The following SIM1 variants were observed in gnomAD, a reference collection of about 807,000 sequenced individuals.
SIM1 encodes SIM bHLH transcription factor 1.
In SIM1, 18 loss-of-function variants were observed where a neutral mutation model predicts 78.2. The ratio of observed to expected loss-of-function variants is 0.23; its 90% CI spans 0.16 to 0.34. The LOEUF (loss-of-function observed/expected upper bound fraction) is 0.34, where lower values mean the gene tolerates loss of function less well. SIM1 is among the 10% of genes least tolerant of loss of function. SIM1 has a pLI of 1.00. For synonymous variants in SIM1, 417 were observed against 385.2 expected, an observed-to-expected ratio of 1.08 and a Z score of -0.97; for missense variants, 939 against 975.1, an observed-to-expected ratio of 0.96 and a Z score of 0.49.
chr6:100,416,970 A>G (rs1285578733), intron 10 of SIM1, among the ~76,000 whole-genome samples: 1 of 143,050 alleles, frequency 7.0e-6, no homozygotes, highest in African/African-American at 2.5e-5. Flanking sequence ...CAAAACCTTT[A>G]CTAGTTCTCA....
At chr6:100,421,023 A>C in intron 9 of SIM1, 65 bp from the exon 10 acceptor site, 3 of 1,498,238 alleles carry the variant, frequency 2.0e-6, no homozygotes, top group Non-Finnish European at 2.7e-6. Context: ...GCATACTCTC[A>C]TCAGGAATGA....
At chr6:100,447,473 A>G (rs1772386271) in intron 8 of SIM1, 58 bp from the exon 9 acceptor site, 2 of 1,598,402 alleles carry the variant, frequency 1.3e-6, no homozygotes, top group South Asian at 2.2e-5. Flanking sequence ...ACTGGCCCCA[A>G]ATGCAATCCC....
intron 10 of SIM1, among the ~76,000 whole-genome samples, chr6:100,411,583 T>C (rs1771192241): frequency 6.6e-6 from 1 of 152,188 alleles, no homozygotes; most frequent in South Asian, 2.1e-4. Context: ...ATTAACAAAG[T>C]GTCCGCACAA....
chr6:100,427,933 C>G (rs1017821653), intron 9 of SIM1, among the ~76,000 whole-genome samples: 3 of 152,160 alleles, frequency 2.0e-5, no homozygotes, highest in Non-Finnish European at 4.4e-5. Context: ...AACAGATGCT[C>G]ACTTGCAAGA....
In SIM1 at chr6:100,397,903, T is replaced by C. The variant is rs568450022; in HGVS notation, c.1168-4014A>G. 3.9e-5 allele frequency among the ~76,000 whole-genome samples: 6 copies of C among 152,146 alleles called. No individual in the cohort carries two copies. In the South Asian group the frequency reaches 6.2e-4, roughly 16 times the overall value. On this transcript the variant is annotated intron_variant, in intron 10 of 11. Transcript: ENST00000369208. ...AGGATATACAGATGGCAAATAATCATATGAAAAGATGTTCAACATCATTAG... is the reference window on the plus strand; with the variant it reads ...AGGATATACAGATGGCAAATAATCACATGAAAAGATGTTCAACATCATTAG...
chr6:100,457,852 A>C (rs1394641310), intron 2 of SIM1, among the ~76,000 whole-genome samples: 2 of 151,884 alleles, frequency 1.3e-5, no homozygotes, highest in Non-Finnish European at 2.9e-5. Context: ...AGCAGCCTGG[A>C]CCCCACAGTG....
Position 100,390,355 on chromosome 6 carries a change from A to G in SIM1, c.*6T>C. The G allele has an allele frequency of 5.0e-6, 8 of 1,607,156 alleles. No individual in the cohort carries two copies. Among genetic ancestry groups the G allele is most frequent in the Non-Finnish European group, 5.1e-6 (6 of 1,176,648 alleles). ...TCCTTAAAGAACAAAATATTTCAGC[A>G]AAACATCAGCTTCCGTTGGTTATTA... On this transcript the variant is annotated 3_prime_UTR_variant, in exon 12 of 12. Transcript: ENST00000369208.
At chr6:100,442,614 TAAG>T (rs1408158340) in intron 9 of SIM1, among the ~76,000 whole-genome samples, 4 of 152,164 alleles carry the variant, frequency 2.6e-5, no homozygotes, top group African/African-American at 9.6e-5. Flanking sequence ...TGAAGCTTGC[TAAG>T]TGAAAAGGTG....
intron 3 of SIM1, among the ~76,000 whole-genome samples, chr6:100,453,049 G>A (rs937846379): frequency 2.0e-5 from 3 of 151,888 alleles, no homozygotes; most frequent in African/African-American, 7.3e-5. Context: ...TGGGACAAGC[G>A]CAAAATCTAA....
chr6:100,457,348 G>A (rs1772692355), intron 2 of SIM1, among the ~76,000 whole-genome samples: 1 of 152,202 alleles, frequency 6.6e-6, no homozygotes, highest in Non-Finnish European at 1.5e-5. Context: ...GGTGGCGGAG[G>A]CCCTGTTCCA....
intron 10 of SIM1, among the ~76,000 whole-genome samples, chr6:100,410,610 T>C (rs892376292): frequency 3.3e-5 from 5 of 151,954 alleles, no homozygotes. Context: ...TAAAGTGGAG[T>C]GCTGACATGG....
At chr6:100,436,212 G>A (rs1253530014) in intron 9 of SIM1, among the ~76,000 whole-genome samples, 1 of 152,164 alleles carries the variant, frequency 6.6e-6, no homozygotes, top group Non-Finnish European at 1.5e-5. Flanking sequence ...TCAGTTACCA[G>A]CAAGCCCACA....
In SIM1 at chr6:100,389,479, A is replaced by C. The variant is rs1221988971; in HGVS notation, c.*882T>G. 1 of 396,874 alleles carries C rather than the reference A, an allele frequency of 2.5e-6. No homozygotes were observed. Among genetic ancestry groups the C allele is most frequent in the East Asian group, 3.6e-5 (1 of 28,058 alleles). 24.6% of individuals were successfully genotyped at this position (396,874 alleles called of 1,614,324 possible). A position where few individuals can be genotyped will look rare whatever the true frequency, so the allele number is the denominator to read the frequency against. On this transcript the variant is annotated 3_prime_UTR_variant, in exon 12 of 12. Coordinates refer to ENST00000369208, the MANE Select transcript of SIM1 (RefSeq NM_005068.3). ...TTTTTATTTAGTTGGTTTTACAAGC[A>C]AACCCCAAATATGTTGTTTACTTAT...
chr6:100,424,817 A>G (rs1174176351), intron 9 of SIM1, among the ~76,000 whole-genome samples: 1 of 152,218 alleles, frequency 6.6e-6, no homozygotes, highest in African/African-American at 2.4e-5. Context: ...TAAATGCTCA[A>G]TAAATAGTAT....
At chr6:100,399,989 T>TA (rs35321011) in intron 10 of SIM1, among the ~76,000 whole-genome samples, 34 of 151,916 alleles carry the variant, frequency 2.2e-4, no homozygotes, top group Admixed American at 1.0e-3. Context: ...ACTCAGGCTT[T>TA]AAAAAAAGCA....
chr6:100,397,938 A>C (rs934383882), intron 10 of SIM1, among the ~76,000 whole-genome samples: 8 of 152,180 alleles, frequency 5.3e-5, no homozygotes, highest in Non-Finnish European at 1.2e-4. Context: ...GTGACTAGGA[A>C]GATGCAAATT....
At chr6:100,423,646 C>T (rs1464408550) in intron 9 of SIM1, among the ~76,000 whole-genome samples, 1 of 152,168 alleles carries the variant, frequency 6.6e-6, no homozygotes, top group African/African-American at 2.4e-5. Flanking sequence ...AAGGAAGAGG[C>T]AGAAGACAAC....
chr6:100,453,280 C>G (rs1191380706), intron 3 of SIM1, among the ~76,000 whole-genome samples: 2 of 152,206 alleles, frequency 1.3e-5, no homozygotes, highest in African/African-American at 4.8e-5. Flanking sequence ...AGCCTGGGCA[C>G]TACAGGGACA....
intron 9 of SIM1, among the ~76,000 whole-genome samples, chr6:100,432,858 G>A (rs968464925): frequency 6.6e-6 from 1 of 152,118 alleles, no homozygotes; most frequent in Non-Finnish European, 1.5e-5. Flanking sequence ...GCATCTTGAA[G>A]CTAAACATGT....
Sources: gnomAD v4.1 joint callset for allele counts (sites outside exome capture counted in the v4.1 genomes callset) on GRCh38, gnomAD v4.1.1 for gene constraint, MANE v1.5 for transcripts, NCBI Gene and HGNC (gene_info 2026-07-23, HGNC 2026-07-21) for gene names.